Variants in ESR1 observed in about 807,000 individuals in gnomAD.
ESR1 encodes the protein estrogen receptor.
Under a neutral mutation model 52.7 loss-of-function variants are expected in ESR1, and 12 were observed. The observed-to-expected ratio is 0.23, with a 90% CI of 0.15 to 0.37. The LOEUF is 0.37. Ranked by LOEUF, ESR1 falls within the 10% of genes least tolerant of loss-of-function variation. The pLI is 1.00. For synonymous variants in ESR1, 305 were observed against 316.8 expected (o/e 0.96, Z 0.39); for missense variants, 584 against 779.7 (o/e 0.75, Z 2.99).
At chr6:151,847,668 A>G (rs1352937632) in intron 2 of ESR1, among the ~76,000 whole-genome samples, 13 of 129,994 alleles carry the variant, frequency 1.0e-4, no homozygotes, top group African/African-American at 3.9e-4. Context: ...AGGTTGCGAA[A>G]ATTTTCTCCC....
intron 2 of ESR1, among the ~76,000 whole-genome samples, chr6:151,851,684 T>C (rs963668109): frequency 5.9e-5 from 9 of 152,062 alleles, no homozygotes; most frequent in African/African-American, 2.2e-4. Flanking sequence ...TCCACCACCA[T>C]GCCTGGCTAG....
Position 151,807,744 on chromosome 6 carries a change from G to C in ESR1, c.-169G>C. The C allele has an allele frequency of 1.4e-6, 1 of 714,590 alleles. No individual in the cohort carries two copies. The allele number at this position is 714,590 out of a possible 1,614,324, so 44.3% of individuals were successfully genotyped here. A position where few individuals can be genotyped will look rare whatever the true frequency, so the allele number is the denominator to read the frequency against. On this transcript the variant is annotated 5_prime_UTR_variant, in exon 1 of 8. Coordinates refer to ENST00000206249, the MANE Select transcript of ESR1 (RefSeq NM_000125.4). ...TCCCGTCGGGTCGCCCGGCTTCACC[G>C]GACCCGCAGGCTCCCGGGGCAGGGC...
intron 1 of ESR1, among the ~76,000 whole-genome samples, chr6:151,695,865 A>G (rs911740073): frequency 1.3e-5 from 2 of 152,260 alleles, no homozygotes; most frequent in Non-Finnish European, 2.9e-5. Flanking sequence ...CTTTCACCTT[A>G]AAACTATGTG....
chr6:151,808,281 C>T lies in ESR1; in HGVS notation c.369C>T (p.Pro123=). The change falls in exon 1 of 8, where the codon CCC becomes CCT. Residue 123 remains proline, a synonymous_variant. Transcript: ENST00000206249. ...PPPQLSPFLQ[P]HGQQVPYYLE... ...CGCAGCTGTCGCCTTTCCTGCAGCC[C>T]CACGGCCAGCAGGTGCCCTACTACC... The T allele has an allele frequency of 6.3e-7, 1 of 1,585,180 alleles. No individual in the cohort carries two copies. Among genetic ancestry groups the T allele is most frequent in the Non-Finnish European group, 8.6e-7 (1 of 1,167,200 alleles).
At chr6:152,122,101 A>AT (rs2051521034) in intron 6 of ESR1, 1 of 380,058 alleles carries the variant, frequency 2.6e-6, no homozygotes, top group Non-Finnish European at 5.0e-6. Flanking sequence ...CAGATGGTCT[A>AT]CTGAAGTCCT....
At chr6:151,788,518 T>G (rs1044421476) in intron 2 of ESR1, among the ~76,000 whole-genome samples, 1 of 152,218 alleles carries the variant, frequency 6.6e-6, no homozygotes, top group Non-Finnish European at 1.5e-5. Flanking sequence ...TGTAAATTAG[T>G]TCAATCATTG....
chr6:151,703,599 T>A (rs1426867499), intron 2 of ESR1, among the ~76,000 whole-genome samples: 3 of 152,122 alleles, frequency 2.0e-5, no homozygotes, highest in African/African-American at 7.2e-5. Flanking sequence ...CTTGATGCAG[T>A]GAGTTTGATT....
Position 152,102,198 on chromosome 6 carries a change from A to G in ESR1, c.*3232A>G, listed in dbSNP as rs966037833. The G allele has an allele frequency of 3.8e-5, 8 of 208,672 alleles. No homozygotes were observed. Among genetic ancestry groups the G allele is most frequent in the African/African-American group, 1.8e-4 (8 of 43,968 alleles). The allele number at this position is 208,672 out of a possible 1,614,324, so 12.9% of individuals were successfully genotyped here. On this transcript the variant is annotated 3_prime_UTR_variant, in exon 8 of 8. Transcript: ENST00000206249. Reference sequence around the variant, plus strand: ...TGAGGGCTGAACAAATAAGGGACTTACTGATAATTTACTTTTGATCACATT... The same window carrying G: ...TGAGGGCTGAACAAATAAGGGACTTGCTGATAATTTACTTTTGATCACATT...
chr6:151,929,358 G>A (rs1472431612), intron 3 of ESR1, among the ~76,000 whole-genome samples: 1 of 152,018 alleles, frequency 6.6e-6, no homozygotes, highest in Admixed American at 6.6e-5. Flanking sequence ...AGTCTGCTTT[G>A]CATGAAATTA....
chr6:152,044,405 C>T (rs1348536506), intron 5 of ESR1, among the ~76,000 whole-genome samples: 2 of 152,146 alleles, frequency 1.3e-5, no homozygotes, highest in Non-Finnish European at 2.9e-5. Flanking sequence ...AGTCAGGATT[C>T]GCTAGAGGGA....
chr6:152,120,980 ACTCT>A (rs970946419), intron 6 of ESR1, among the ~76,000 whole-genome samples: 24 of 151,316 alleles, frequency 1.6e-4, no homozygotes, highest in Non-Finnish European at 2.4e-4. Context: ...AAGAGGAGAT[ACTCT>A]CTCTCTCTCC....
chr6:151,866,926 C>A (rs1217550350), intron 2 of ESR1, among the ~76,000 whole-genome samples: 1 of 152,062 alleles, frequency 6.6e-6, no homozygotes, highest in African/African-American at 2.4e-5. Context: ...ATATCTAGAC[C>A]ACTGGAACAG....
intron 5 of ESR1, among the ~76,000 whole-genome samples, chr6:152,032,853 A>G (rs879734233): frequency 4.1e-4 from 63 of 152,352 alleles, no homozygotes; most frequent in Admixed American, 7.8e-4. Context: ...AGCCAAAAGA[A>G]CAAAGCTGGA....
At chr6:151,840,696 A>C (rs1784152900) in intron 1 of ESR1, among the ~76,000 whole-genome samples, 1 of 152,178 alleles carries the variant, frequency 6.6e-6, no homozygotes, top group Non-Finnish European at 1.5e-5. Context: ...TGGAAGCAGG[A>C]AGCTTGAGCT....
intron 2 of ESR1, among the ~76,000 whole-genome samples, chr6:151,733,007 A>G (rs987834442): frequency 2.0e-5 from 3 of 152,190 alleles, no homozygotes; most frequent in Non-Finnish European, 2.9e-5. Flanking sequence ...TTTATCCTGA[A>G]GCTCTCAACC....
chr6:152,056,257 A>G (rs1026459125), intron 5 of ESR1, among the ~76,000 whole-genome samples: 4 of 152,198 alleles, frequency 2.6e-5, no homozygotes, highest in African/African-American at 9.7e-5. Flanking sequence ...TGTAGCATTG[A>G]AGATAAAGAA....
chr6:151,980,768 A>G (rs1259625127), intron 4 of ESR1, among the ~76,000 whole-genome samples: 1 of 152,088 alleles, frequency 6.6e-6, no homozygotes, highest in Non-Finnish European at 1.5e-5. Context: ...CTGTGGTGCA[A>G]TCTCAGCTCA....
chr6:151,900,542 GT>G (rs1218305996), intron 3 of ESR1, among the ~76,000 whole-genome samples: 1 of 152,164 alleles, frequency 6.6e-6, no homozygotes, highest in Non-Finnish European at 1.5e-5. Flanking sequence ...TACTGGGATT[GT>G]TTTTCTGGTT....
intron 1 of ESR1, among the ~76,000 whole-genome samples, chr6:151,682,696 C>T (rs1399170749): frequency 1.3e-5 from 2 of 152,138 alleles, no homozygotes; most frequent in Non-Finnish European, 2.9e-5. Context: ...AAACCCATTC[C>T]TTTGATTCTG....
Sources: gnomAD v4.1 joint callset for allele counts (sites outside exome capture counted in the v4.1 genomes callset) on GRCh38, gnomAD v4.1.1 for gene constraint, MANE v1.5 for transcripts, NCBI Gene and HGNC (gene_info 2026-07-23, HGNC 2026-07-21) for gene names.